The following TACC2 variants were observed in gnomAD, a reference collection of about 807,000 sequenced individuals.
TACC2 encodes transforming acidic coiled-coil containing protein 2, also known as transforming acidic coiled-coil-containing protein 2.
A neutral mutation model predicts 227.3 loss-of-function variants in TACC2; 137 were observed. That is an observed-to-expected ratio of 0.60 (90% CI 0.52 to 0.69). TACC2 has a LOEUF of 0.69. Among genes scored for constraint, TACC2 ranks in the 30% least tolerant of loss-of-function variants. TACC2 has a pLI of 0.00. For synonymous variants in TACC2, 1,523 were observed against 1,487.5 expected (o/e 1.02, Z -0.55); for missense variants, 3,470 against 3,694.4 (o/e 0.94, Z 1.57).
Position 122,237,944 on chromosome 10 carries a change from C to T in TACC2, c.8272-17C>T, listed in dbSNP as rs754554438. ...CTCATTTGGGGCTAACCTTTCTCTT[C>T]TTCTCTCTGAAACTAGATCATAACC... On this transcript the variant is annotated splice_polypyrimidine_tract_variant and intron_variant, in intron 17 of 22. Coordinates refer to ENST00000369005, the MANE Select transcript of TACC2 (RefSeq NM_206862.4). The T allele has an allele frequency of 3.1e-6, 5 of 1,603,470 alleles. No homozygotes were observed. Among genetic ancestry groups the T allele is most frequent in the South Asian group, 2.2e-5 (2 of 90,442 alleles).
In TACC2 at chr10:122,047,320, C is replaced by A. The variant is rs186365015; in HGVS notation, c.34-3118C>A. 2.1e-3 allele frequency among the ~76,000 whole-genome samples: 246 copies of A among 114,914 alleles called. 1 individual carries two copies. Among genetic ancestry groups the A allele is most frequent in the East Asian group, 2.8e-3 (10 of 3,560 alleles). 75.4% of individuals were successfully genotyped at this position (114,914 alleles called of 152,430 possible). A position where few individuals can be genotyped will look rare whatever the true frequency, so the allele number is the denominator to read the frequency against. On this transcript the variant is annotated intron_variant, in intron 2 of 22. Coordinates refer to ENST00000369005, the MANE Select transcript of TACC2 (RefSeq NM_206862.4). Reference sequence around the variant, plus strand: ...AAAAAAAAAAAAAAAAAAAAAGAATCTTTCTTTGAAAATGAAGATTATAGA... The same window carrying A: ...AAAAAAAAAAAAAAAAAAAAAGAATATTTCTTTGAAAATGAAGATTATAGA...
intron 5 of TACC2, among the ~76,000 whole-genome samples, chr10:122,127,529 G>A (rs2087119330): frequency 6.6e-6 from 1 of 152,164 alleles, no homozygotes; most frequent in Non-Finnish European, 1.5e-5. Flanking sequence ...ACCCTTTGCT[G>A]GCCTGACTAA....
At chr10:122,140,730 G>A (rs2090402250) in intron 6 of TACC2, among the ~76,000 whole-genome samples, 2 of 152,240 alleles carry the variant, frequency 1.3e-5, no homozygotes, top group South Asian at 4.1e-4. Context: ...GTCACGGGAG[G>A]CTTGAACGCA....
rs372101967 is a variant in TACC2, at chr10:122,206,326, A to G, written c.5972-4071A>G. Among the ~76,000 whole-genome samples the G allele has an allele frequency of 9.8e-5, 15 of 152,340 alleles. No individual in the cohort carries two copies. The East Asian group carries it at 2.3e-3, about 23-fold the overall frequency. ...CATTTTACTGGGCAGCACTGGTGCT[A>G]TGGCCTGAATTGTGGCCTCCAATGT... is the stretch of plus-strand genomic sequence containing the variant. On this transcript the variant is annotated intron_variant, in intron 8 of 22. Transcript: ENST00000369005.
At chr10:122,136,453 G>C (rs1027473950) in intron 6 of TACC2, among the ~76,000 whole-genome samples, 3 of 151,890 alleles carry the variant, frequency 2.0e-5, no homozygotes, top group African/African-American at 4.8e-5. Context: ...AACAGTCCTC[G>C]GGAGAGGTGT....
At chr10:122,165,525 A>C (rs2093108434) in intron 7 of TACC2, among the ~76,000 whole-genome samples, 1 of 152,194 alleles carries the variant, frequency 6.6e-6, no homozygotes, top group South Asian at 2.1e-4. Context: ...CCGAGTTTAG[A>C]TAGCTTCTGT....
intron 5 of TACC2, among the ~76,000 whole-genome samples, chr10:122,098,405 C>T (rs1304292539): frequency 6.6e-6 from 1 of 152,156 alleles, no homozygotes; most frequent in East Asian, 1.9e-4. Flanking sequence ...CATAATTCAA[C>T]ACAACTAGCT....
chr10:122,163,563 C>A, intron 7 of TACC2: 1 of 995,018 alleles, frequency 1.0e-6, no homozygotes, highest in Non-Finnish European at 1.2e-6. Flanking sequence ...ATGATGACAT[C>A]ATCGTGTCAC....
At position 122,210,915 on chromosome 10, in the gene TACC2, C is replaced by A. The variant is rs1245301953; in HGVS notation, c.6490C>A (p.Pro2164Thr). Residue 2164 changes from proline (P) to threonine (T), a missense_variant, in exon 9 of 23, where the codon CCC (proline) becomes ACC (threonine). This residue lies in a region of TACC2 where 593 missense variants were observed against 636.6 expected (regional missense o/e 0.93). Coordinates refer to ENST00000369005, the MANE Select transcript of TACC2 (RefSeq NM_206862.4). This position sits in a 1 kb window ranked among gnomAD's most constrained non-coding sequence, Gnocchi z 4.6. The stretch of plus-strand genomic sequence containing the variant: ...GGAGCCAGATGAAGAGAGCCTTGTC[C>A]CCAGTGGGGAGAATCTAGCATCTGA... Reference protein sequence around the residue: ...QQEPDEESLVPSGENLASETK... With the variant: ...QQEPDEESLVTSGENLASETK... 1 of 1,613,724 alleles carries A rather than the reference C, an allele frequency of 6.2e-7. No individual in the cohort carries two copies. Among genetic ancestry groups the A allele is most frequent in the East Asian group, 2.2e-5 (1 of 44,838 alleles).
At chr10:122,128,349 T>C (rs2087285852) in intron 5 of TACC2, among the ~76,000 whole-genome samples, 1 of 152,220 alleles carries the variant, frequency 6.6e-6, no homozygotes, top group South Asian at 2.1e-4. Context: ...TATTTAATTA[T>C]GTTCAAGATC....
rs564139787 is a variant in TACC2 at position 122,222,993 on chromosome 10, A to T, written c.7547-1733A>T. On this transcript the variant is annotated intron_variant, in intron 11 of 22. Coordinates refer to ENST00000369005, the MANE Select transcript of TACC2 (RefSeq NM_206862.4). ...GGAAAGTGATAGATAGATCTGGAAG[A>T]GACCCTAAATATCACCCTGTCCATC... 1.6e-4 allele frequency among the ~76,000 whole-genome samples: 25 copies of T among 151,912 alleles called. No homozygotes were observed. The South Asian group carries it at 5.2e-3, about 32-fold the overall frequency.
At chr10:122,234,873 T>A (rs1036650806) in intron 16 of TACC2, among the ~76,000 whole-genome samples, 12 of 152,240 alleles carry the variant, frequency 7.9e-5, no homozygotes, top group East Asian at 3.8e-4. Context: ...GCAGGGAGCC[T>A]GCTTATTTTG....
chr10:122,083,047 G>C lies in TACC2; in HGVS notation c.547G>C (p.Gly183Arg). 2 of 1,612,654 alleles carry C rather than the reference G, an allele frequency of 1.2e-6. No homozygotes were observed. The highest frequency in any genetic ancestry group is 1.7e-6 in the Non-Finnish European group (2 of 1,180,010). ...AGRERQPKEEGQKSSFSFSSG... is the reference protein window; with the variant it reads ...AGRERQPKEERQKSSFSFSSG... The stretch of plus-strand genomic sequence containing the variant: ...AAGAGAGAGACAGCCGAAGGAAGAA[G>C]GACAGAAGTCCTCCTTCTCCTTCTC... Residue 183 changes from glycine to arginine, a missense_variant, in exon 4 of 23, where the codon GGA (glycine) becomes CGA (arginine). By Grantham distance (125) the Gly-to-Arg change is moderately radical. Coordinates refer to ENST00000369005, the MANE Select transcript of TACC2 (RefSeq NM_206862.4).
Position 122,249,714 on chromosome 10 carries a change from G to C in TACC2, c.8781+50G>C, listed in dbSNP as rs753916459. The C allele has an allele frequency of 6.4e-6, 10 of 1,573,760 alleles. No individual in the cohort carries two copies. The African/African-American group carries it at 1.2e-4, about 19-fold the overall frequency. On this transcript the variant is annotated intron_variant, in intron 22 of 22. Transcript: ENST00000369005. ...CAGGTGGGCCGGGCTGCTGCTCTCT[G>C]TGCTGCTGGCCAGTCCAGCTAGACA...
intron 8 of TACC2, among the ~76,000 whole-genome samples, chr10:122,196,951 A>AAC (rs1565579236): frequency 2.0e-5 from 3 of 148,096 alleles, no homozygotes; most frequent in Non-Finnish European, 4.5e-5. Context: ...AAAAAAAAAA[A>AAC]CAAAAAAACA....
intron 1 of TACC2, among the ~76,000 whole-genome samples, chr10:121,990,336 T>C (rs569409667): frequency 6.6e-6 from 1 of 152,100 alleles, no homozygotes; most frequent in East Asian, 1.9e-4. Flanking sequence ...CAGGCTGGTC[T>C]CAAACCCCTA....
chr10:122,072,006 T>A (rs1437882076), intron 3 of TACC2, among the ~76,000 whole-genome samples: 1 of 129,724 alleles, frequency 7.7e-6, no homozygotes, highest in Admixed American at 8.4e-5. Flanking sequence ...TGAGATGGAG[T>A]CTCACTCTGT....
At chr10:122,046,683 T>G (rs2075045059) in intron 2 of TACC2, among the ~76,000 whole-genome samples, 2 of 152,144 alleles carry the variant, frequency 1.3e-5, no homozygotes, top group Admixed American at 1.3e-4. Flanking sequence ...TTCCATCTGT[T>G]GTTTGCATCT....
intron 9 of TACC2, among the ~76,000 whole-genome samples, chr10:122,214,767 G>T (rs1222949509): frequency 1.3e-5 from 2 of 152,124 alleles, no homozygotes; most frequent in Non-Finnish European, 2.9e-5. Context: ...TGTGAATCTT[G>T]TCTGTTTACC....
Sources: gnomAD v4.1 joint callset for allele counts (sites outside exome capture counted in the v4.1 genomes callset) on GRCh38, gnomAD v4.1.1 for gene constraint, gnomAD v4.1.1 regional missense constraint, Gnocchi (gnomAD v3.1) non-coding constraint, MANE v1.5 for transcripts, NCBI Gene and HGNC (gene_info 2026-07-23, HGNC 2026-07-21) for gene names.